NUF2: variants seen among roughly 807,000 people sequenced by gnomAD.
The protein encoded by NUF2 is kinetochore protein Nuf2.
Under a neutral mutation model 61.8 loss-of-function variants are expected in NUF2, and 34 were observed. That is an observed-to-expected ratio of 0.55 (90% CI 0.42 to 0.73). NUF2 has a LOEUF of 0.73. Ranked by LOEUF, NUF2 falls within the 30% of genes least tolerant of loss-of-function variation. The pLI, the probability that NUF2 is intolerant of heterozygous loss-of-function variation, is 0.00. For missense variants in NUF2, 445 were observed against 539.1 expected (o/e 0.83, Z 1.73); for synonymous variants, 172 against 181.6 (o/e 0.95, Z 0.42).
intron 13 of NUF2, among the ~76,000 whole-genome samples, chr1:163,353,111 C>A (rs1216928338): frequency 6.6e-6 from 1 of 152,002 alleles, no homozygotes; most frequent in Non-Finnish European, 1.5e-5. Context: ...AAATTTTGTT[C>A]TTTATTTGCA....
intron 13 of NUF2, among the ~76,000 whole-genome samples, chr1:163,351,615 T>A (rs556613083): frequency 1.3e-4 from 20 of 152,340 alleles, no homozygotes; most frequent in African/African-American, 4.8e-4. Context: ...GGCGTAGAAC[T>A]ATTGATCAAA....
chr1:163,331,818 G>C (rs554619606), intron 5 of NUF2, among the ~76,000 whole-genome samples: 1 of 151,526 alleles, frequency 6.6e-6, no homozygotes, highest in Non-Finnish European at 1.5e-5. Context: ...ATGTTATTGG[G>C]GTAGGTAATA....
At chr1:163,328,134 G>A (rs765225252) in intron 3 of NUF2, 94 bp from the exon 4 acceptor site, 2 of 726,870 alleles carry the variant, frequency 2.8e-6, no homozygotes. Context: ...TTAATTTAAT[G>A]ATAGTGAGTT....
chr1:163,352,726 C>A (rs576422428), intron 13 of NUF2, among the ~76,000 whole-genome samples: 1 of 152,054 alleles, frequency 6.6e-6, no homozygotes, highest in African/African-American at 2.4e-5. Context: ...ATTAGCCGGG[C>A]GTGGTGGCGG....
chr1:163,337,495 A>G (rs569635967), intron 6 of NUF2, among the ~76,000 whole-genome samples: 18 of 152,218 alleles, frequency 1.2e-4, no homozygotes, highest in African/African-American at 4.3e-4. Flanking sequence ...ACTTCTTTGC[A>G]CAAATCATGC....
intron 11 of NUF2, among the ~76,000 whole-genome samples, chr1:163,346,898 G>T (rs1006485534): frequency 6.6e-6 from 1 of 152,054 alleles, no homozygotes; most frequent in African/African-American, 2.4e-5. Context: ...GTAGGATGGC[G>T]CAAGATTTAA....
chr1:163,326,100 C>T lies in NUF2; in HGVS notation c.49C>T (p.His17Tyr), dbSNP rs1247064218. ...PRYNVAEIVIHIRNKILTGAD... is the reference protein window; with the variant it reads ...PRYNVAEIVIYIRNKILTGAD... Reference sequence around the variant, plus strand: ...ATATAATGTAGCTGAGATTGTGATTCATATTCGCAATAAGATCTTAACAGG... The same window carrying T: ...ATATAATGTAGCTGAGATTGTGATTTATATTCGCAATAAGATCTTAACAGG... Residue 17 changes from histidine to tyrosine, a missense_variant, in exon 2 of 14, where the codon CAT becomes TAT. Coordinates refer to ENST00000271452, the MANE Select transcript of NUF2 (RefSeq NM_145697.3). 6.2e-7 allele frequency: 1 copy of T among 1,611,478 alleles called. No individual in the cohort carries two copies. Among genetic ancestry groups the T allele is most frequent in the Non-Finnish European group, 8.5e-7 (1 of 1,177,894 alleles).
chr1:163,336,465 T>G (rs895220463), intron 5 of NUF2, among the ~76,000 whole-genome samples: 2 of 152,154 alleles, frequency 1.3e-5, no homozygotes, highest in African/African-American at 4.8e-5. Flanking sequence ...CATCTAAAAT[T>G]TGTTGCTTCA....
chr1:163,355,278 T>G (rs1452834826), intron 13 of NUF2, 57 bp from the exon 14 acceptor site: 1 of 1,338,422 alleles, frequency 7.5e-7, no homozygotes, highest in Non-Finnish European at 1.0e-6. Context: ...TTATAACTCA[T>G]TTGTAGTTTA....
chr1:163,327,805 T>A (rs1310715315), intron 3 of NUF2: 1 of 463,112 alleles, frequency 2.2e-6, no homozygotes, highest in Non-Finnish European at 3.8e-6. Context: ...ATGACACAGA[T>A]CATTGATGCA....
In NUF2 at chr1:163,355,377, G is replaced by A. The variant is rs1225268686; in HGVS notation, c.1303G>A (p.Asp435Asn). The change falls in exon 14 of 14, where the codon GAC (aspartate) becomes AAC (asparagine). Residue 435 changes from aspartate to asparagine, a missense_variant. Coordinates refer to ENST00000271452, the MANE Select transcript of NUF2 (RefSeq NM_145697.3). ...NLKTALEKYHDGIEKAAEDSY... is the reference protein window; with the variant it reads ...NLKTALEKYHNGIEKAAEDSY... Reference sequence around the variant, plus strand: ...GAAAACTGCTTTGGAGAAATACCACGACGGTATTGAAAAGGCAGCAGAGGA... The same window carrying A: ...GAAAACTGCTTTGGAGAAATACCACAACGGTATTGAAAAGGCAGCAGAGGA... 1.2e-6 allele frequency: 2 copies of A among 1,606,680 alleles called. No individual in the cohort carries two copies. The highest frequency in any genetic ancestry group is 2.2e-5 in the East Asian group (1 of 44,478).
At chr1:163,336,875 A>T in intron 6 of NUF2, 27 bp downstream of exon 6, 1 of 1,347,426 alleles carries the variant, frequency 7.4e-7, no homozygotes. Context: ...TTTTGGGGTT[A>T]CATGCCAGAT....
chr1:163,339,833 GCATCTGT>G (rs1174262041), intron 8 of NUF2, among the ~76,000 whole-genome samples: 1 of 152,090 alleles, frequency 6.6e-6, no homozygotes, highest in Admixed American at 6.5e-5. Flanking sequence ...GTAGTACTCA[GCATCTGT>G]CATATCCTTT....
At chr1:163,331,807 A>G (rs1650606910) in intron 5 of NUF2, among the ~76,000 whole-genome samples, 1 of 151,962 alleles carries the variant, frequency 6.6e-6, no homozygotes, top group African/African-American at 2.4e-5. Context: ...ATATTATTTT[A>G]ATGTTATTGG....
At chr1:163,330,822 G>A (rs1650569536) in intron 5 of NUF2, among the ~76,000 whole-genome samples, 1 of 151,766 alleles carries the variant, frequency 6.6e-6, no homozygotes, top group Admixed American at 6.6e-5. Flanking sequence ...ATTTTTAGTG[G>A]TTCTGTAAAT....
intron 1 of NUF2, among the ~76,000 whole-genome samples, chr1:163,325,575 T>G (rs1223926880): frequency 6.6e-6 from 1 of 152,228 alleles, no homozygotes; most frequent in African/African-American, 2.4e-5. Context: ...ATATATGTAA[T>G]GAATAGGATG....
Position 163,345,660 on chromosome 1 carries a change from G to T in NUF2, c.808-18G>T. The T allele has an allele frequency of 6.2e-7, 1 of 1,600,030 alleles. No homozygotes were observed. The highest frequency in any genetic ancestry group is 8.5e-7 in the Non-Finnish European group (1 of 1,175,454). Reference sequence around the variant, plus strand: ...AGAAGAATATCAAACTGTGGTCTCTGTTTTTTGTCTTTCAAAGCAAGAAGT... The same window carrying T: ...AGAAGAATATCAAACTGTGGTCTCTTTTTTTTGTCTTTCAAAGCAAGAAGT... On this transcript the variant is annotated intron_variant, in intron 10 of 13. Transcript: ENST00000271452.
chr1:163,336,822 A>G lies in NUF2; in HGVS notation c.409A>G (p.Thr137Ala). The part of the protein sequence containing the change: ...FIHFREACRE[T>A]YMEFLWQYKS... ...TCACTTCAGAGAAGCATGCCGTGAA[A>G]CGTATATGGAATTTCTTTGGCAATA... Residue 137 changes from threonine (T) to alanine (A), a missense_variant, in exon 6 of 14, where the codon ACG (threonine) becomes GCG (alanine). Transcript: ENST00000271452. 6.2e-7 allele frequency: 1 copy of G among 1,611,656 alleles called. No homozygotes were observed.
At position 163,350,301 on chromosome 1, in the gene NUF2, C is replaced by CA. The variant is rs759212484; in HGVS notation, c.1260+1234dup. Among the ~76,000 whole-genome samples the CA allele has an allele frequency of 5.5e-3, 686 of 125,858 alleles. 1 individual carries two copies. Among genetic ancestry groups the CA allele is most frequent in the African/African-American group, 0.015 (509 of 33,998 alleles). The allele number at this position is 125,858 out of a possible 152,430, so 82.6% of individuals were successfully genotyped here. A position where few individuals can be genotyped will look rare whatever the true frequency, so the allele number is the denominator to read the frequency against. On this transcript the variant is annotated intron_variant, in intron 13 of 13. Coordinates refer to ENST00000271452, the MANE Select transcript of NUF2 (RefSeq NM_145697.3). ...TGGGCGACAGAGCAAGACTCCGTCTCAAAAAAAAAAAAAGAAAGACTTAGC... is the reference window on the plus strand; with the variant it reads ...TGGGCGACAGAGCAAGACTCCGTCTCAAAAAAAAAAAAAAGAAAGACTTAGC...
Sources: allele counts gnomAD v4.1 joint callset (sites outside exome capture counted in the v4.1 genomes callset), GRCh38; gene constraint gnomAD v4.1.1; transcripts MANE v1.5; gene names NCBI Gene and HGNC (gene_info 2026-07-23, HGNC 2026-07-21).